Variants in MXD1 observed in about 807,000 individuals in gnomAD.
The protein encoded by MXD1 is MAX-binding protein.
Under a neutral mutation model 25.7 loss-of-function variants are expected in MXD1, and 9 were observed. That is an observed-to-expected ratio of 0.35 (90% CI 0.21 to 0.61). The LOEUF is 0.61. Among genes scored for constraint, MXD1 ranks in the 20% least tolerant of loss-of-function variants. MXD1 has a pLI of 0.75. For missense variants in MXD1, 227 were observed against 292.4 expected (o/e 0.78, Z 1.63); for synonymous variants, 99 against 113.9 (o/e 0.87, Z 0.83).
intron 5 of MXD1, 83 bp downstream of exon 5, chr2:69,937,477 G>A: frequency 7.4e-7 from 1 of 1,350,946 alleles, no homozygotes; most frequent in Non-Finnish European, 9.9e-7. Flanking sequence ...ACAGGAGGCA[G>A]AGTGTAAGAA....
intron 3 of MXD1, among the ~76,000 whole-genome samples, chr2:69,925,672 T>C (rs1223860070): frequency 6.6e-6 from 1 of 152,242 alleles, no homozygotes; most frequent in African/African-American, 2.4e-5. Flanking sequence ...CAGTATTATA[T>C]TATATGAATA....
At chr2:69,937,058 C>T (rs779670518) in intron 4 of MXD1, 177 bp from the exon 5 acceptor site, 10 of 825,086 alleles carry the variant, frequency 1.2e-5, no homozygotes, top group Admixed American at 1.9e-5. Flanking sequence ...AAGAGTCAGA[C>T]GAAGCCAGGA....
chr2:69,918,803 C>T (rs1677006835), intron 2 of MXD1, among the ~76,000 whole-genome samples: 1 of 152,110 alleles, frequency 6.6e-6, no homozygotes, highest in African/African-American at 2.4e-5. Context: ...TCCATAATCA[C>T]ATGGAAAATA....
chr2:69,935,059 T>C (rs998024788), intron 3 of MXD1, among the ~76,000 whole-genome samples: 2 of 152,210 alleles, frequency 1.3e-5, no homozygotes, highest in African/African-American at 4.8e-5. Context: ...TCAGGGACCA[T>C]TACTGTATAT....
chr2:69,932,811 T>C (rs1677323807), intron 3 of MXD1, among the ~76,000 whole-genome samples: 1 of 152,160 alleles, frequency 6.6e-6, no homozygotes. Flanking sequence ...TAAACCAACA[T>C]CATAAAAGTA....
chr2:69,921,608 A>T (rs1478575883), intron 2 of MXD1, 128 bp from the exon 3 acceptor site: 1 of 714,724 alleles, frequency 1.4e-6, no homozygotes, highest in Non-Finnish European at 2.1e-6. Context: ...AGCCCAGTGA[A>T]TTTTTCTGCC....
At chr2:69,937,171 C>T (rs745401714) in intron 4 of MXD1, 64 bp from the exon 5 acceptor site, 76 of 1,587,790 alleles carry the variant, frequency 4.8e-5, no homozygotes, top group Non-Finnish European at 5.9e-5. Flanking sequence ...AGGGAAGATG[C>T]GGGGGCCATT....
intron 3 of MXD1, among the ~76,000 whole-genome samples, chr2:69,931,821 T>C (rs1054475701): frequency 6.6e-6 from 1 of 152,212 alleles, no homozygotes; most frequent in Non-Finnish European, 1.5e-5. Flanking sequence ...ATTAAAGTTA[T>C]GTTTCTGAAG....
chr2:69,920,180 G>T (rs1395265513), intron 2 of MXD1, among the ~76,000 whole-genome samples: 1 of 151,874 alleles, frequency 6.6e-6, no homozygotes, highest in Non-Finnish European at 1.5e-5. Context: ...TAGAGACAGG[G>T]TTTCACCATG....
intron 3 of MXD1, among the ~76,000 whole-genome samples, chr2:69,922,043 C>A (rs1330171728): frequency 6.6e-6 from 1 of 152,088 alleles, no homozygotes. Context: ...TAGTCAGAGG[C>A]AACATTTCCA....
intron 3 of MXD1, among the ~76,000 whole-genome samples, chr2:69,922,879 C>CA (rs34830116): frequency 0.58 from 66,139 of 114,842 alleles, 18,250 homozygotes; most frequent in African/African-American, 0.76. Flanking sequence ...GACTCCGTCT[C>CA]AAAAAAAAAA....
intron 3 of MXD1, among the ~76,000 whole-genome samples, chr2:69,934,148 A>G (rs569585539): frequency 6.6e-5 from 10 of 152,366 alleles, no homozygotes; most frequent in Non-Finnish European, 8.8e-5. Context: ...GGAGACTGCA[A>G]TGAATGGTTA....
At position 69,941,326 on chromosome 2, in the gene MXD1, C is replaced by CTTTTGCTA. The variant is rs1677595805; in HGVS notation, c.*3042_*3043insTTTTGCTA. The stretch of plus-strand genomic sequence containing the variant: ...GGCTTTGAATGGTGGGCCGAGCACC[C>CTTTTGCTA]AGGTCGTCTGTATTTTGGTTTTCTT... On this transcript the variant is annotated 3_prime_UTR_variant, in exon 6 of 6. Coordinates refer to ENST00000264444, the MANE Select transcript of MXD1 (RefSeq NM_002357.4). 1 of 152,168 alleles carries CTTTTGCTA rather than the reference C, an allele frequency of 6.6e-6. No homozygotes were observed. The highest frequency in any genetic ancestry group is 1.5e-5 in the Non-Finnish European group (1 of 68,046). 9.4% of individuals were successfully genotyped at this position (152,168 alleles called of 1,614,324 possible). A position where few individuals can be genotyped will look rare whatever the true frequency, so the allele number is the denominator to read the frequency against.
chr2:69,938,443 G>A lies in MXD1; in HGVS notation c.*159G>A. Reference sequence around the variant, plus strand: ...TGTTTTCAAGGAGGTGCTTAGGATTGTGGGTTTCTGATTGCATCCACTAGC... The same window carrying A: ...TGTTTTCAAGGAGGTGCTTAGGATTATGGGTTTCTGATTGCATCCACTAGC... On this transcript the variant is annotated 3_prime_UTR_variant, in exon 6 of 6. Coordinates refer to ENST00000264444, the MANE Select transcript of MXD1 (RefSeq NM_002357.4). The A allele has an allele frequency of 1.4e-6, 1 of 695,422 alleles. No individual in the cohort carries two copies. The highest frequency in any genetic ancestry group is 2.4e-6 in the Non-Finnish European group (1 of 422,162). The allele number at this position is 695,422 out of a possible 1,614,324, so 43.1% of individuals were successfully genotyped here.
chr2:69,939,008 G>A lies in MXD1; in HGVS notation c.*724G>A, dbSNP rs1187594258. On this transcript the variant is annotated 3_prime_UTR_variant, in exon 6 of 6. Coordinates refer to ENST00000264444, the MANE Select transcript of MXD1 (RefSeq NM_002357.4). ...TTTTGTGCGATGTTCTTGGGACCTCGCTGTGTTCTGCTATCTCGAGGCACA... is the reference window on the plus strand; with the variant it reads ...TTTTGTGCGATGTTCTTGGGACCTCACTGTGTTCTGCTATCTCGAGGCACA... 2 of 152,504 alleles carry A rather than the reference G, an allele frequency of 1.3e-5. No homozygotes were observed. Among genetic ancestry groups the A allele is most frequent in the East Asian group, 1.9e-4 (1 of 5,202 alleles). 9.4% of individuals were successfully genotyped at this position (152,504 alleles called of 1,614,324 possible).
chr2:69,937,542 C>T (rs1677482414), intron 5 of MXD1, 148 bp downstream of exon 5: 2 of 728,610 alleles, frequency 2.7e-6, no homozygotes, highest in Admixed American at 3.2e-5. Flanking sequence ...CCTCCAGTGA[C>T]AGGTTCCTTC....
chr2:69,933,218 A>AAAAAAAC (rs1558571827), intron 3 of MXD1, among the ~76,000 whole-genome samples: 1 of 151,218 alleles, frequency 6.6e-6, no homozygotes, highest in Admixed American at 6.6e-5. Context: ...AAAAAAAAAA[A>AAAAAAAC]AAAAAACAAA....
In MXD1 at chr2:69,915,375, G is replaced by T. The variant is rs1190905354; in HGVS notation, c.45G>T (p.Ala15=). 2.8e-5 allele frequency: 36 copies of T among 1,285,524 alleles called. No homozygotes were observed. Among genetic ancestry groups the T allele is most frequent in the Non-Finnish European group, 3.5e-5 (35 of 1,007,062 alleles). 79.6% of individuals were successfully genotyped at this position (1,285,524 alleles called of 1,614,324 possible). A position where few individuals can be genotyped will look rare whatever the true frequency, so the allele number is the denominator to read the frequency against. ...VRMNIQMLLE[A]ADYLERRERE... Reference sequence around the variant, plus strand: ...TGAACATCCAGATGCTGCTGGAGGCGGCCGACTATCTGGAGCGGCGGGAGA... The same window carrying T: ...TGAACATCCAGATGCTGCTGGAGGCTGCCGACTATCTGGAGCGGCGGGAGA... Residue 15 remains alanine (A), a synonymous_variant, in exon 1 of 6, where the codon GCG becomes GCT. Coordinates refer to ENST00000264444, the MANE Select transcript of MXD1 (RefSeq NM_002357.4). The surrounding 1 kb of genome is among the most constrained non-coding windows in gnomAD (Gnocchi z 5.8).
chr2:69,935,486 C>T, intron 4 of MXD1, 21 bp downstream of exon 4: 1 of 1,503,874 alleles, frequency 6.6e-7, no homozygotes, highest in South Asian at 1.1e-5. Flanking sequence ...TGTTGGGATG[C>T]TGCTTTATCT....
Sources: gnomAD v4.1 joint callset for allele counts (sites outside exome capture counted in the v4.1 genomes callset) on GRCh38, gnomAD v4.1.1 for gene constraint, Gnocchi (gnomAD v3.1) non-coding constraint, MANE v1.5 for transcripts, NCBI Gene and HGNC (gene_info 2026-07-23, HGNC 2026-07-21) for gene names.